The following EPHA6 variants were observed in gnomAD, a reference collection of about 807,000 sequenced individuals.
EPHA6 encodes the protein ephrin type-A receptor 6.
EPHA6 carries 50 observed loss-of-function variants against 112.0 expected under a neutral mutation model. The observed-to-expected ratio is 0.45, with a 90% CI of 0.36 to 0.56. The LOEUF (loss-of-function observed/expected upper bound fraction) is 0.56, where lower values mean the gene tolerates loss of function less well. Among genes scored for constraint, EPHA6 ranks in the 20% least tolerant of loss-of-function variants. The pLI is 0.00. For synonymous variants in EPHA6, 529 were observed against 490.7 expected, an observed-to-expected ratio of 1.08 and a Z score of -1.03; for missense variants, 1,280 against 1,417.4, an observed-to-expected ratio of 0.90 and a Z score of 1.56.
intron 10 of EPHA6, among the ~76,000 whole-genome samples, chr3:97,499,739 T>TAAAA: frequency 6.6e-6 from 1 of 152,226 alleles, no homozygotes; most frequent in South Asian, 2.1e-4. Context: ...AAATGTGGTA[T>TAAAA]AAAAGTGCCC....
intron 5 of EPHA6, among the ~76,000 whole-genome samples, chr3:97,398,509 T>C (rs1368017034): frequency 6.6e-6 from 1 of 151,450 alleles, no homozygotes; most frequent in Non-Finnish European, 1.5e-5. Context: ...TTTCTGTTCT[T>C]TTTTTAATGA....
At chr3:97,076,565 G>T (rs1295115276) in intron 3 of EPHA6, among the ~76,000 whole-genome samples, 1 of 152,158 alleles carries the variant, frequency 6.6e-6, no homozygotes, top group African/African-American at 2.4e-5. Context: ...AAGTTATCCA[G>T]AAGATCTAGC....
chr3:97,349,972 T>C (rs965785381), intron 5 of EPHA6, among the ~76,000 whole-genome samples: 3 of 152,004 alleles, frequency 2.0e-5, no homozygotes, highest in Non-Finnish European at 4.4e-5. Flanking sequence ...TTTTTTTTCT[T>C]TTTGCCAGTT....
At chr3:96,902,136 A>G (rs769897505) in intron 2 of EPHA6, among the ~76,000 whole-genome samples, 2 of 152,206 alleles carry the variant, frequency 1.3e-5, no homozygotes, top group Admixed American at 6.5e-5. Context: ...GACAAGGACG[A>G]TGGAGACTGC....
rs1292453140 is a variant in EPHA6 at position 97,754,603 on chromosome 3, C to CT, written c.*5906dup. Among the ~76,000 whole-genome samples, 1 of 152,168 alleles carries CT rather than the reference C, an allele frequency of 6.6e-6. No homozygotes were observed. Among genetic ancestry groups the CT allele is most frequent in the Admixed American group, 6.5e-5 (1 of 15,280 alleles). ...GCACTAGGAAATGAATAAACTTTACCTTTTAAAAAGGAATCTGTCAACTGC... is the reference window on the plus strand; with the variant it reads ...GCACTAGGAAATGAATAAACTTTACCTTTTTAAAAAGGAATCTGTCAACTGC... On this transcript the variant is annotated 3_prime_UTR_variant, in exon 18 of 18. Coordinates refer to ENST00000389672, the MANE Select transcript of EPHA6 (RefSeq NM_001080448.3).
intron 10 of EPHA6, among the ~76,000 whole-genome samples, chr3:97,504,715 C>T (rs1019039309): frequency 1.4e-4 from 21 of 152,170 alleles, no homozygotes; most frequent in African/African-American, 4.8e-4. Context: ...CCTCCTCTCT[C>T]ACAATCTCAT....
intron 3 of EPHA6, among the ~76,000 whole-genome samples, chr3:97,080,789 A>G (rs2046695685): frequency 6.6e-6 from 1 of 152,040 alleles, no homozygotes; most frequent in Non-Finnish European, 1.5e-5. Flanking sequence ...TAACATACAT[A>G]TTGATATGAA....
In EPHA6 at chr3:97,283,525, T is replaced by C. The variant is rs538197742; in HGVS notation, c.1606+39238T>C. ...ATTAAATGTTGATTATAATATTAAA[T>C]GAAATGGTGATTATAGAAATGGTGA... On this transcript the variant is annotated intron_variant, in intron 5 of 17. Transcript: ENST00000389672. Among the ~76,000 whole-genome samples, 18 of 152,114 alleles carry C rather than the reference T, an allele frequency of 1.2e-4. No individual in the cohort carries two copies. In the South Asian group the frequency reaches 3.5e-3, roughly 30 times the overall value.
chr3:97,572,393 A>G (rs1577822858), intron 11 of EPHA6, among the ~76,000 whole-genome samples: 1 of 152,004 alleles, frequency 6.6e-6, no homozygotes, highest in East Asian at 1.9e-4. Flanking sequence ...CTCATGATCC[A>G]CCTGCCTCAG....
intron 2 of EPHA6, among the ~76,000 whole-genome samples, chr3:96,949,977 T>A (rs1174606314): frequency 6.6e-6 from 1 of 152,184 alleles, no homozygotes; most frequent in East Asian, 1.9e-4. Flanking sequence ...TTTGAAGTCT[T>A]TGTGTCCTTA....
chr3:97,406,544 G>A (rs1242561238), intron 6 of EPHA6, among the ~76,000 whole-genome samples: 2 of 152,030 alleles, frequency 1.3e-5, no homozygotes, highest in Admixed American at 6.6e-5. Context: ...CTGTTATAAT[G>A]GCAATCAAAT....
intron 6 of EPHA6, among the ~76,000 whole-genome samples, chr3:97,431,501 G>A (rs747678497): frequency 3.3e-5 from 5 of 151,968 alleles, no homozygotes; most frequent in African/African-American, 4.8e-5. Context: ...TTTCAGACAA[G>A]GACATTTAAA....
chr3:97,422,431 A>C (rs889908538), intron 6 of EPHA6, among the ~76,000 whole-genome samples: 1 of 152,140 alleles, frequency 6.6e-6, no homozygotes, highest in Non-Finnish European at 1.5e-5. Context: ...CACCCCCAAC[A>C]CTGGAGTACC....
intron 11 of EPHA6, among the ~76,000 whole-genome samples, chr3:97,576,556 A>T (rs1302541952): frequency 6.6e-6 from 1 of 152,184 alleles, no homozygotes; most frequent in African/African-American, 2.4e-5. Context: ...AAGTTGTCTC[A>T]AGGTTGTAGA....
intron 14 of EPHA6, among the ~76,000 whole-genome samples, chr3:97,693,807 CAAAATAA>C (rs768021331): frequency 1.5e-4 from 22 of 151,340 alleles, no homozygotes; most frequent in Admixed American, 9.9e-4. Flanking sequence ...GACTCTGTCT[CAAAATAA>C]AAAATAAAAA....
intron 2 of EPHA6, among the ~76,000 whole-genome samples, chr3:96,906,228 A>G (rs2038927378): frequency 6.6e-6 from 1 of 151,908 alleles, no homozygotes; most frequent in Non-Finnish European, 1.5e-5. Context: ...CATTCCCCCT[A>G]CTTTCTCTCT....
At chr3:97,003,502 TCCCACAGAG>T (rs1202061367) in intron 3 of EPHA6, among the ~76,000 whole-genome samples, 9 of 152,078 alleles carry the variant, frequency 5.9e-5, no homozygotes, top group Non-Finnish European at 1.5e-5. Flanking sequence ...AAAAGAGAAT[TCCCACAGAG>T]TTTCTTGTTG....
chr3:97,246,559 G>A (rs1432407599), intron 5 of EPHA6, among the ~76,000 whole-genome samples: 1 of 151,590 alleles, frequency 6.6e-6, no homozygotes, highest in Non-Finnish European at 1.5e-5. Flanking sequence ...ATATCATTAA[G>A]CAATTTGTTC....
At position 96,960,866 on chromosome 3, in the gene EPHA6, T is replaced by A. The variant is rs73131563; in HGVS notation, c.451-26464T>A. Among the ~76,000 whole-genome samples the A allele has an allele frequency of 5.0e-3, 767 of 152,348 alleles. 3 individuals carry two copies. Among genetic ancestry groups the A allele is most frequent in the Middle Eastern group, 0.01 (3 of 294 alleles). On this transcript the variant is annotated intron_variant, in intron 2 of 17. Coordinates refer to ENST00000389672, the MANE Select transcript of EPHA6 (RefSeq NM_001080448.3). ...TAAATTCTGAGTCATAGGTGAATAA[T>A]CTCATATCAATCGACTCTGTTTTAC...
Sources: gnomAD v4.1 joint callset for allele counts (sites outside exome capture counted in the v4.1 genomes callset) on GRCh38, gnomAD v4.1.1 for gene constraint, MANE v1.5 for transcripts, NCBI Gene and HGNC (gene_info 2026-07-23, HGNC 2026-07-21) for gene names.